GFRA1: variants seen among roughly 807,000 people sequenced by gnomAD.
The protein encoded by GFRA1 is GDNF family receptor alpha 1.
Under a neutral mutation model 51.6 loss-of-function variants are expected in GFRA1, and 16 were observed. The ratio of observed to expected loss-of-function variants is 0.31; its 90% CI spans 0.21 to 0.47. The LOEUF is 0.47. GFRA1 is among the 20% of genes least tolerant of loss of function. The pLI is 1.00. For missense variants in GFRA1, 530 were observed against 594.3 expected, an observed-to-expected ratio of 0.89 and a Z score of 1.13; for synonymous variants, 270 against 241.3, an observed-to-expected ratio of 1.12 and a Z score of -1.10.
intron 5 of GFRA1, among the ~76,000 whole-genome samples, chr10:116,135,055 T>C (rs528624931): frequency 6.6e-6 from 1 of 152,342 alleles, no homozygotes; most frequent in Admixed American, 6.5e-5. Context: ...TGTGTTCAAC[T>C]AGCTTTGAAA....
intron 5 of GFRA1, among the ~76,000 whole-genome samples, chr10:116,147,975 C>G (rs1324092872): frequency 1.3e-5 from 2 of 150,050 alleles, no homozygotes; most frequent in Non-Finnish European, 3.0e-5. Flanking sequence ...AGTTGAGATT[C>G]TTTTTACTGT....
chr10:116,189,001 T>C (rs910523671), intron 5 of GFRA1, among the ~76,000 whole-genome samples: 2 of 148,478 alleles, frequency 1.3e-5, no homozygotes, highest in Non-Finnish European at 3.0e-5. Context: ...ATGCCTCTAA[T>C]CCCAGCACTT....
rs558713236 is a variant in GFRA1 at position 116,057,262 on chromosome 10, A to T, written c.*7136T>A. 2.0e-5 allele frequency: 3 copies of T among 152,210 alleles called. No individual in the cohort carries two copies. The highest frequency in any genetic ancestry group is 2.0e-4 in the Admixed American group (3 of 15,278). 9.4% of individuals were successfully genotyped at this position (152,210 alleles called of 1,614,324 possible). On this transcript the variant is annotated 3_prime_UTR_variant, in exon 11 of 11. Transcript: ENST00000355422. ...GTGGGAAGCTCAGTAAACACACAATATAACATGGAGACCCGCCCGAAGCCT... is the reference window on the plus strand; with the variant it reads ...GTGGGAAGCTCAGTAAACACACAATTTAACATGGAGACCCGCCCGAAGCCT...
chr10:116,170,340 G>A (rs529502779), intron 5 of GFRA1, among the ~76,000 whole-genome samples: 9 of 152,202 alleles, frequency 5.9e-5, no homozygotes, highest in African/African-American at 2.2e-4. Flanking sequence ...TCTCTCTCTG[G>A]GTTACACTAC....
At chr10:116,147,334 T>C (rs1010098849) in intron 5 of GFRA1, among the ~76,000 whole-genome samples, 4 of 152,154 alleles carry the variant, frequency 2.6e-5, no homozygotes, top group African/African-American at 9.7e-5. Flanking sequence ...AGGGGCAGCC[T>C]GACAGATCCT....
intron 5 of GFRA1, among the ~76,000 whole-genome samples, chr10:116,151,928 G>T (rs1423412766): frequency 5.9e-5 from 9 of 152,218 alleles, no homozygotes; most frequent in Admixed American, 4.6e-4. Flanking sequence ...ACTTTAGGGA[G>T]AGTAATCAGG....
intron 6 of GFRA1, among the ~76,000 whole-genome samples, chr10:116,102,055 T>C (rs1203724543): frequency 3.3e-5 from 5 of 152,218 alleles, no homozygotes; most frequent in Non-Finnish European, 7.4e-5. Flanking sequence ...AATAAGATTC[T>C]TCTAGTGGAT....
intron 4 of GFRA1, among the ~76,000 whole-genome samples, chr10:116,232,421 T>A (rs1464430407): frequency 6.6e-6 from 1 of 152,174 alleles, no homozygotes; most frequent in Non-Finnish European, 1.5e-5. Flanking sequence ...ATCGAGGCAT[T>A]GTGTTTACAT....
At chr10:116,262,179 G>A (rs1589921613) in intron 4 of GFRA1, among the ~76,000 whole-genome samples, 1 of 152,184 alleles carries the variant, frequency 6.6e-6, no homozygotes, top group Non-Finnish European at 1.5e-5. Context: ...TTTGCACCTT[G>A]TAACAATCTT....
At chr10:116,195,865 G>A (rs567129776) in intron 5 of GFRA1, among the ~76,000 whole-genome samples, 9 of 152,240 alleles carry the variant, frequency 5.9e-5, no homozygotes, top group East Asian at 5.8e-4. Context: ...CTCTGTCCCC[G>A]TTTGATTTGG....
At chr10:116,226,348 G>A (rs1441071852) in intron 4 of GFRA1, among the ~76,000 whole-genome samples, 3 of 152,160 alleles carry the variant, frequency 2.0e-5, no homozygotes, top group Admixed American at 6.6e-5. Context: ...CTGCACCCTC[G>A]AAGAGTCACG....
At chr10:116,227,090 C>T (rs1287004155) in intron 4 of GFRA1, among the ~76,000 whole-genome samples, 1 of 152,138 alleles carries the variant, frequency 6.6e-6, no homozygotes, top group African/African-American at 2.4e-5. Context: ...CTCTTTGAGC[C>T]ACATGTCCAG....
At chr10:116,182,269 C>T (rs1046769317) in intron 5 of GFRA1, among the ~76,000 whole-genome samples, 1 of 152,094 alleles carries the variant, frequency 6.6e-6, no homozygotes, top group Non-Finnish European at 1.5e-5. Context: ...CTAATGATAA[C>T]AATAATAGTA....
chr10:116,075,555 C>T (rs189766343), intron 9 of GFRA1, among the ~76,000 whole-genome samples: 1 of 152,250 alleles, frequency 6.6e-6, no homozygotes, highest in East Asian at 1.9e-4. Context: ...GATTAAGCTA[C>T]TCTCCATCTT....
At chr10:116,101,001 C>T (rs572095998) in intron 6 of GFRA1, among the ~76,000 whole-genome samples, 3 of 152,216 alleles carry the variant, frequency 2.0e-5, no homozygotes, top group Admixed American at 6.5e-5. Flanking sequence ...ATGAGGCTGG[C>T]GGTGGCTGTG....
chr10:116,153,788 G>A (rs1435666015), intron 5 of GFRA1, among the ~76,000 whole-genome samples: 1 of 152,110 alleles, frequency 6.6e-6, no homozygotes, highest in Non-Finnish European at 1.5e-5. Context: ...GATACCATTT[G>A]AAAAGTGAAA....
chr10:116,072,618 G>A (rs553038942), intron 9 of GFRA1, among the ~76,000 whole-genome samples: 123 of 152,078 alleles, frequency 8.1e-4, no homozygotes, highest in African/African-American at 1.7e-3. Flanking sequence ...AAAATTAGCC[G>A]GGCATGTTGG....
intron 5 of GFRA1, among the ~76,000 whole-genome samples, chr10:116,178,299 C>CGAG (rs1555163903): frequency 0.021 from 2,947 of 138,980 alleles, 113 homozygotes; most frequent in African/African-American, 0.069. Flanking sequence ...CACAAGGGGC[C>CGAG]GGGGGGGCGT....
In GFRA1 at chr10:116,266,170, C is replaced by A. The variant is rs117100709; in HGVS notation, c.418+3333G>T. 3.9e-3 allele frequency among the ~76,000 whole-genome samples: 593 copies of A among 152,252 alleles called. 3 individuals are homozygous for A. The highest frequency in any genetic ancestry group is 6.9e-3 in the Non-Finnish European group (466 of 68,012). On this transcript the variant is annotated intron_variant, in intron 4 of 10. Coordinates refer to ENST00000355422, the MANE Select transcript of GFRA1 (RefSeq NM_005264.8). ...GAGGAATCCAAGGAAAATGGAAACA[C>A]AAGAACGTCAAACATGTCTTGTTCC...
Sources: gnomAD v4.1 joint callset for allele counts (sites outside exome capture counted in the v4.1 genomes callset) on GRCh38, gnomAD v4.1.1 for gene constraint, MANE v1.5 for transcripts, NCBI Gene and HGNC (gene_info 2026-07-23, HGNC 2026-07-21) for gene names.